TTC39C: variants seen among roughly 807,000 people sequenced by gnomAD.
The protein encoded by TTC39C is tetratricopeptide repeat domain 39C, also known as tetratricopeptide repeat protein 39C.
In TTC39C, 33 loss-of-function variants were observed where a neutral mutation model predicts 76.3. The ratio of observed to expected loss-of-function variants is 0.43; its 90% CI spans 0.33 to 0.58. TTC39C has a LOEUF of 0.58. TTC39C is among the 20% of genes least tolerant of loss of function. The pLI is 0.04. For synonymous variants in TTC39C, 254 were observed against 260.6 expected (o/e 0.97, Z 0.24); for missense variants, 595 against 701.4 (o/e 0.85, Z 1.71).
At chr18:24,129,408 G>A (rs924133404) in intron 11 of TTC39C, among the ~76,000 whole-genome samples, 5 of 152,116 alleles carry the variant, frequency 3.3e-5, no homozygotes, top group African/African-American at 1.2e-4. Context: ...AAGCGAGAGA[G>A]TTGTTTTTTT....
chr18:24,023,954 A>ATCTATATC (rs1568408728), intron 1 of TTC39C, among the ~76,000 whole-genome samples: 8 of 11,800 alleles, frequency 6.8e-4, no homozygotes, highest in East Asian at 2.6e-3. Flanking sequence ...ATGCATGTAT[A>ATCTATATC]TATATATATA....
intron 1 of TTC39C, among the ~76,000 whole-genome samples, chr18:24,056,636 G>A (rs1464223926): frequency 6.6e-6 from 1 of 151,952 alleles, no homozygotes; most frequent in Non-Finnish European, 1.5e-5. Flanking sequence ...AATTTCCAAG[G>A]CAATGTTGGC....
At chr18:23,999,430 AAG>A (rs1460141565) in intron 1 of TTC39C, among the ~76,000 whole-genome samples, 8 of 152,146 alleles carry the variant, frequency 5.3e-5, no homozygotes, top group Non-Finnish European at 1.5e-5. Context: ...ACAGGGGAGG[AAG>A]AGAGAGGAGC....
intron 6 of TTC39C, among the ~76,000 whole-genome samples, chr18:24,098,413 C>CTT: frequency 1.0e-5 from 1 of 99,724 alleles, no homozygotes; most frequent in East Asian, 3.7e-4. Context: ...TCCCTCCCTC[C>CTT]CTCCTTCCTT....
intron 1 of TTC39C, among the ~76,000 whole-genome samples, chr18:24,020,520 C>T (rs980324758): frequency 9.9e-5 from 15 of 152,176 alleles, no homozygotes; most frequent in Non-Finnish European, 2.1e-4. Flanking sequence ...GGATTGGTTC[C>T]AGGACCCCCA....
intron 1 of TTC39C, among the ~76,000 whole-genome samples, chr18:24,026,002 G>T (rs1296813305): frequency 6.6e-6 from 1 of 152,144 alleles, no homozygotes; most frequent in Non-Finnish European, 1.5e-5. Flanking sequence ...GGCTCCCTGG[G>T]TCCCACTGCC....
intron 1 of TTC39C, among the ~76,000 whole-genome samples, chr18:24,032,724 C>G (rs2083685811): frequency 6.6e-6 from 1 of 152,170 alleles, no homozygotes; most frequent in Non-Finnish European, 1.5e-5. Context: ...GATTTTGGAG[C>G]ATTTTGGGTT....
chr18:24,114,261 T>C (rs894928), intron 6 of TTC39C: 245,845 of 291,314 alleles, frequency 0.84, 104,885 homozygotes, highest in Non-Finnish European at 0.87. Context: ...AAGGAGAAGG[T>C]GGGTGTGAGC....
intron 8 of TTC39C, among the ~76,000 whole-genome samples, chr18:24,118,956 T>C (rs1396543678): frequency 1.3e-5 from 2 of 152,212 alleles, no homozygotes; most frequent in Non-Finnish European, 2.9e-5. Context: ...GAGCCTGATC[T>C]GTGCTAGTAT....
intron 1 of TTC39C, among the ~76,000 whole-genome samples, chr18:24,059,080 C>T (rs2084055689): frequency 6.6e-6 from 1 of 152,158 alleles, no homozygotes; most frequent in Admixed American, 6.5e-5. Flanking sequence ...TTTCCAATCT[C>T]TTATGACTGA....
intron 6 of TTC39C, among the ~76,000 whole-genome samples, chr18:24,111,104 C>A (rs1345174543): frequency 6.6e-6 from 1 of 152,004 alleles, no homozygotes; most frequent in Non-Finnish European, 1.5e-5. Context: ...GATTCTCCTG[C>A]CTCAGCCTCC....
chr18:24,010,840 G>T (rs1370699272), upstream of TTC39C, among the ~76,000 whole-genome samples: 1 of 152,180 alleles, frequency 6.6e-6, no homozygotes. Context: ...CTGAGCTCAG[G>T]AGTTTGAGAC....
chr18:24,062,435 T>C (rs1409098471), intron 1 of TTC39C, among the ~76,000 whole-genome samples: 1 of 152,138 alleles, frequency 6.6e-6, no homozygotes, highest in Non-Finnish European at 1.5e-5. Context: ...GGATATGATA[T>C]ATAGTAGGGT....
chr18:24,037,923 G>A (rs945794582), intron 1 of TTC39C, among the ~76,000 whole-genome samples: 5 of 152,260 alleles, frequency 3.3e-5, no homozygotes, highest in African/African-American at 4.8e-5. Context: ...TTTTTCAGGC[G>A]ACATGTTTCT....
chr18:24,015,314 C>T (rs2083441547), intron 1 of TTC39C: 2 of 319,604 alleles, frequency 6.3e-6, no homozygotes, highest in Non-Finnish European at 1.1e-5. Flanking sequence ...TTTCTCCCAG[C>T]CTCGCCCTCC....
intron 8 of TTC39C, among the ~76,000 whole-genome samples, chr18:24,119,602 C>T (rs569019041): frequency 1.9e-4 from 28 of 147,800 alleles, no homozygotes; most frequent in African/African-American, 2.1e-4. Flanking sequence ...GTCCATATTC[C>T]GCATTGCAAT....
At chr18:24,098,881 C>T (rs574089078) in intron 6 of TTC39C, among the ~76,000 whole-genome samples, 2 of 152,042 alleles carry the variant, frequency 1.3e-5, no homozygotes, top group Non-Finnish European at 2.9e-5. Flanking sequence ...ATCCTCCTGC[C>T]TTGGCCTCCC....
chr18:24,117,599 G>C (rs1163973920), intron 7 of TTC39C, among the ~76,000 whole-genome samples: 2 of 152,140 alleles, frequency 1.3e-5, no homozygotes, highest in African/African-American at 4.8e-5. Context: ...CTACTTGGGA[G>C]GCTGAGGCGG....
intron 1 of TTC39C, among the ~76,000 whole-genome samples, chr18:24,052,832 T>A (rs2083969743): frequency 6.6e-6 from 1 of 152,052 alleles, no homozygotes; most frequent in African/African-American, 2.4e-5. Flanking sequence ...CGCAGTGGAG[T>A]GTGCAGGGCA....
Sources: allele counts gnomAD v4.1 joint callset (sites outside exome capture counted in the v4.1 genomes callset), GRCh38; gene constraint gnomAD v4.1.1; transcripts MANE v1.5; gene names NCBI Gene and HGNC (gene_info 2026-07-23, HGNC 2026-07-21).